UBE3D: variants seen among roughly 807,000 people sequenced by gnomAD.
UBE3D encodes the protein ubiquitin protein ligase E3D, also known as E3 ubiquitin-protein ligase E3D.
In UBE3D, 48 loss-of-function variants were observed where a neutral mutation model predicts 49.6. The observed-to-expected ratio is 0.97, with a 90% CI of 0.77 to 1.23. The LOEUF is 1.23. UBE3D is among the 50% of genes most tolerant of loss of function. The probability of loss-of-function intolerance (pLI) is 0.00; values close to 1 mark genes in which losing one functional copy is unlikely to be tolerated. For missense variants in UBE3D, 452 were observed against 468.4 expected (o/e 0.96, Z 0.32); for synonymous variants, 189 against 174.2 (o/e 1.08, Z -0.67).
At chr6:82,936,902 T>C (rs2127750703) in intron 9 of UBE3D, among the ~76,000 whole-genome samples, 1 of 152,308 alleles carries the variant, frequency 6.6e-6, no homozygotes, top group East Asian at 1.9e-4. Context: ...AGAATCAGTT[T>C]AGCGCAGGAG....
intron 4 of UBE3D, among the ~76,000 whole-genome samples, chr6:83,040,591 C>A (rs1030302098): frequency 6.6e-6 from 1 of 152,162 alleles, no homozygotes; most frequent in African/African-American, 2.4e-5. Context: ...ACTGAATTAA[C>A]CTTCAGTAAC....
intron 8 of UBE3D, among the ~76,000 whole-genome samples, chr6:82,999,447 C>T (rs765658962): frequency 2.0e-5 from 3 of 152,220 alleles, no homozygotes; most frequent in East Asian, 1.9e-4. Flanking sequence ...TGCAGTGGCG[C>T]GATCTAGGCT....
chr6:82,887,392 T>TTTGTTTTGTTTTGTTTTG (rs1217315802), downstream of UBE3D, among the ~76,000 whole-genome samples: 1 of 136,562 alleles, frequency 7.3e-6, no homozygotes, highest in Non-Finnish European at 1.6e-5. Flanking sequence ...AGTAACAGTT[T>TTTGTTTTGTTTTGTTTTG]TTTTTTTTTT....
intron 9 of UBE3D, among the ~76,000 whole-genome samples, chr6:82,935,996 T>C (rs1774542658): frequency 6.6e-6 from 1 of 152,084 alleles, no homozygotes; most frequent in South Asian, 2.1e-4. Flanking sequence ...TGGATTTTTG[T>C]GTTTTTAAGT....
chr6:83,042,384 A>AAT (rs199667694), intron 4 of UBE3D, among the ~76,000 whole-genome samples: 1,644 of 152,348 alleles, frequency 0.011, 32 homozygotes, highest in African/African-American at 0.038. Flanking sequence ...GAAGAAAAGA[A>AAT]AGTGTTGGGC....
chr6:83,030,428 T>C (rs1380682877), intron 5 of UBE3D, among the ~76,000 whole-genome samples: 1 of 152,194 alleles, frequency 6.6e-6, no homozygotes, highest in East Asian at 1.9e-4. Context: ...ACAAGCTCTC[T>C]TGCCTGCTAC....
chr6:82,935,343 C>T (rs913577), intron 9 of UBE3D, among the ~76,000 whole-genome samples: 102,114 of 151,764 alleles, frequency 0.67, 34,851 homozygotes, highest in East Asian at 0.79. Flanking sequence ...AGAGATACAC[C>T]CCTGTGACCC....
chr6:82,949,420 A>G (rs1775630805), intron 9 of UBE3D, among the ~76,000 whole-genome samples: 1 of 152,112 alleles, frequency 6.6e-6, no homozygotes, highest in Non-Finnish European at 1.5e-5. Context: ...AAGAATCAAT[A>G]TTGTTAAAAT....
chr6:83,056,832 CG>C (rs1783846095), intron 2 of UBE3D, among the ~76,000 whole-genome samples: 1 of 152,162 alleles, frequency 6.6e-6, no homozygotes, highest in South Asian at 2.1e-4. Flanking sequence ...GAGGCAGCAG[CG>C]AAGTGTCAGT....
At chr6:82,985,966 T>A (rs1778461135) in intron 8 of UBE3D, among the ~76,000 whole-genome samples, 1 of 152,156 alleles carries the variant, frequency 6.6e-6, no homozygotes, top group Non-Finnish European at 1.5e-5. Context: ...GTCCTTGCCC[T>A]GATTTCTTTT....
chr6:83,058,084 GA>G, intron 1 of UBE3D, 62 bp from the exon 2 acceptor site: 1 of 1,547,998 alleles, frequency 6.5e-7, no homozygotes, highest in Non-Finnish European at 8.8e-7. Flanking sequence ...CATGATGAAA[GA>G]AACAAAAATG....
intron 4 of UBE3D, among the ~76,000 whole-genome samples, chr6:83,039,045 G>T (rs923116553): frequency 6.6e-6 from 1 of 152,194 alleles, no homozygotes; most frequent in Non-Finnish European, 1.5e-5. Flanking sequence ...GCAGTGCTCT[G>T]GGACAATTCC....
At chr6:82,896,127 T>C (rs770414784) in intron 9 of UBE3D, among the ~76,000 whole-genome samples, 25 of 152,224 alleles carry the variant, frequency 1.6e-4, no homozygotes, top group Admixed American at 2.6e-4. Context: ...TTATTCCTTA[T>C]ATTTAAAAGA....
chr6:82,998,331 G>C (rs1217823750), intron 8 of UBE3D, among the ~76,000 whole-genome samples: 1 of 152,204 alleles, frequency 6.6e-6, no homozygotes, highest in Non-Finnish European at 1.5e-5. Context: ...AGGATCCAAA[G>C]ATCATTTTTC....
intron 9 of UBE3D, among the ~76,000 whole-genome samples, chr6:82,918,284 C>CA (rs1253124167): frequency 9.7e-5 from 13 of 133,456 alleles, no homozygotes; most frequent in African/African-American, 1.3e-4. Flanking sequence ...ACAACAACAA[C>CA]AACAACAAAA....
At chr6:83,020,692 A>T (rs112812570) in intron 7 of UBE3D, among the ~76,000 whole-genome samples, 1 of 152,210 alleles carries the variant, frequency 6.6e-6, no homozygotes, top group Non-Finnish European at 1.5e-5. Context: ...CAGTCAGAAA[A>T]TATTTTAGGT....
At chr6:82,910,185 C>T (rs1057213553) in intron 9 of UBE3D, among the ~76,000 whole-genome samples, 2 of 152,080 alleles carry the variant, frequency 1.3e-5, no homozygotes, top group Non-Finnish European at 1.5e-5. Flanking sequence ...ACACTTTGTG[C>T]TTTAGATTTC....
intron 8 of UBE3D, among the ~76,000 whole-genome samples, chr6:82,991,299 A>C (rs1331851773): frequency 6.6e-6 from 1 of 152,210 alleles, no homozygotes; most frequent in Admixed American, 6.5e-5. Context: ...ACATGAAAGA[A>C]TTTTTAAAAC....
chr6:83,027,444 A>AAAAAAAAAAAAAAAAAAAAAAAAAT (rs1781553558), intron 5 of UBE3D, among the ~76,000 whole-genome samples: 1 of 144,848 alleles, frequency 6.9e-6, no homozygotes, highest in Non-Finnish European at 1.5e-5. Flanking sequence ...CAAAAAAAAA[A>AAAAAAAAAAAAAAAAAAAAAAAAAT]AAAAAAAAAA....
Sources: gnomAD v4.1 joint callset for allele counts (sites outside exome capture counted in the v4.1 genomes callset) on GRCh38, gnomAD v4.1.1 for gene constraint, MANE v1.5 for transcripts, NCBI Gene and HGNC (gene_info 2026-07-23, HGNC 2026-07-21) for gene names.